The following SAMD5 variants were observed in gnomAD, a reference collection of about 807,000 sequenced individuals.
SAMD5 encodes sterile alpha motif domain containing 5, also known as sterile alpha motif domain-containing protein 5.
In SAMD5, 13 loss-of-function variants were observed where a neutral mutation model predicts 11.3. The observed-to-expected ratio is 1.15, with a 90% CI of 0.75 to 1.83. The LOEUF (loss-of-function observed/expected upper bound fraction) is 1.83. SAMD5 is among the 40% of genes most tolerant of loss of function. SAMD5 has a pLI of 0.00. For synonymous variants in SAMD5, 129 were observed against 111.3 expected (o/e 1.16, Z -1.00); for missense variants, 255 against 239.1 (o/e 1.07, Z -0.44).
At chr6:147,838,700 C>A in the SAMD5 span, among the ~76,000 whole-genome samples, 2 of 152,090 alleles carry the variant, frequency 1.3e-5, no homozygotes, top group Non-Finnish European at 2.9e-5. Context: ...TGACACATCC[C>A]AGGGACAGAT....
chr6:147,565,652 G>A lies in SAMD5; in HGVS notation c.*1196G>A. ...TTTTTGTATTTTTAGTAGAGATGGG[G>A]TTTTACCATGTTGGCCAGGCTGTTC... On this transcript the variant is annotated 3_prime_UTR_variant, in exon 2 of 2. Coordinates refer to ENST00000367474, the MANE Select transcript of SAMD5 (RefSeq NM_001030060.3). The A allele has an allele frequency of 1.8e-6, 1 of 550,308 alleles. No homozygotes were observed. Among genetic ancestry groups the A allele is most frequent in the Non-Finnish European group, 2.3e-6 (1 of 432,864 alleles). The allele number at this position is 550,308 out of a possible 1,614,324, so 34.1% of individuals were successfully genotyped here. A position where few individuals can be genotyped will look rare whatever the true frequency, so the allele number is the denominator to read the frequency against.
At chr6:147,933,379 C>A in the SAMD5 span, among the ~76,000 whole-genome samples, 4 of 152,192 alleles carry the variant, frequency 2.6e-5, no homozygotes, top group South Asian at 8.3e-4. Flanking sequence ...TGAAGAGAGA[C>A]ACCCAATTAA....
chr6:147,679,205 A>G (rs1790906407), intron 1 of SAMD5, among the ~76,000 whole-genome samples: 1 of 152,142 alleles, frequency 6.6e-6, no homozygotes, highest in Non-Finnish European at 1.5e-5. Flanking sequence ...TAGTGGGTCT[A>G]TGTATCACTT....
the SAMD5 span, among the ~76,000 whole-genome samples, chr6:147,925,211 A>C: frequency 6.6e-6 from 1 of 152,160 alleles, no homozygotes; most frequent in African/African-American, 2.4e-5. Context: ...CCTTATCAAA[A>C]GACATGAGAG....
chr6:147,811,201 A>G, the SAMD5 span, among the ~76,000 whole-genome samples: 1 of 152,204 alleles, frequency 6.6e-6, no homozygotes, highest in African/African-American at 2.4e-5. Context: ...TGGGTGTACC[A>G]GAGAGTTCAT....
chr6:147,945,702 G>T, the SAMD5 span, among the ~76,000 whole-genome samples: 1 of 152,146 alleles, frequency 6.6e-6, no homozygotes, highest in African/African-American at 2.4e-5. Flanking sequence ...AGTAAACAGT[G>T]GCAGGAACGT....
chr6:147,530,741 G>A (rs893251698), intron 1 of SAMD5, among the ~76,000 whole-genome samples: 3 of 152,218 alleles, frequency 2.0e-5, no homozygotes, highest in Non-Finnish European at 4.4e-5. Context: ...GCTTGGGGTG[G>A]AGTTGAGGAA....
At chr6:147,815,775 C>A in the SAMD5 span, among the ~76,000 whole-genome samples, 1 of 151,914 alleles carries the variant, frequency 6.6e-6, no homozygotes, top group African/African-American at 2.4e-5. Context: ...GTGGAATGAG[C>A]CCCCTCCCAG....
the SAMD5 span, among the ~76,000 whole-genome samples, chr6:147,800,981 G>A: frequency 2.6e-5 from 4 of 151,932 alleles, no homozygotes; most frequent in African/African-American, 7.2e-5. Flanking sequence ...TTTATTATTT[G>A]ATTTGAATAT....
the SAMD5 span, among the ~76,000 whole-genome samples, chr6:147,869,966 T>C: frequency 3.9e-5 from 6 of 152,124 alleles, no homozygotes; most frequent in Non-Finnish European, 8.8e-5. Context: ...TCCTCCCACC[T>C]CAGCCTCCCA....
intron 1 of SAMD5, among the ~76,000 whole-genome samples, chr6:147,651,451 C>T (rs1210079201): frequency 2.0e-5 from 3 of 152,164 alleles, no homozygotes; most frequent in African/African-American, 7.2e-5. Flanking sequence ...TCCTGACCCC[C>T]AGGGTGATGG....
chr6:147,864,536 A>G, the SAMD5 span, among the ~76,000 whole-genome samples: 1 of 152,348 alleles, frequency 6.6e-6, no homozygotes, highest in Non-Finnish European at 1.5e-5. Context: ...TTAGAATACC[A>G]TATTAGCTTC....
chr6:147,843,569 C>T, the SAMD5 span, among the ~76,000 whole-genome samples: 22 of 152,158 alleles, frequency 1.4e-4, no homozygotes, highest in Non-Finnish European at 2.5e-4. Context: ...AAGCTGGGGT[C>T]ATCACACCAT....
intron 1 of SAMD5, among the ~76,000 whole-genome samples, chr6:147,703,612 G>A (rs1791285928): frequency 6.6e-6 from 1 of 152,130 alleles, no homozygotes; most frequent in African/African-American, 2.4e-5. Context: ...GAAGTGGGTG[G>A]GCAAGATATT....
the SAMD5 span, among the ~76,000 whole-genome samples, chr6:147,869,005 T>A: frequency 3.9e-5 from 6 of 152,198 alleles, no homozygotes; most frequent in Non-Finnish European, 7.3e-5. Flanking sequence ...CATTTGTAAT[T>A]AGATCACAGA....
intron 1 of SAMD5, among the ~76,000 whole-genome samples, chr6:147,638,785 T>C (rs1394285248): frequency 6.6e-6 from 1 of 152,206 alleles, no homozygotes; most frequent in African/African-American, 2.4e-5. Flanking sequence ...TATTTTCTGT[T>C]TTACATGATG....
the SAMD5 span, among the ~76,000 whole-genome samples, chr6:147,844,728 T>C: frequency 4.0e-5 from 6 of 151,110 alleles, no homozygotes; most frequent in Admixed American, 6.6e-5. Context: ...CTAGATGATA[T>C]TATGTTAAGT....
chr6:147,640,283 A>T (rs931513092), intron 1 of SAMD5, among the ~76,000 whole-genome samples: 3 of 151,178 alleles, frequency 2.0e-5, no homozygotes, highest in Non-Finnish European at 4.4e-5. Context: ...CTGAGAATCC[A>T]TACCACTGCA....
chr6:147,843,581 G>A, the SAMD5 span, among the ~76,000 whole-genome samples: 3 of 151,870 alleles, frequency 2.0e-5, no homozygotes, highest in Admixed American at 2.0e-4. Flanking sequence ...TCACACCATG[G>A]GATTTCTAAA....
Sources: gnomAD v4.1 joint callset for allele counts (sites outside exome capture counted in the v4.1 genomes callset) on GRCh38, gnomAD v4.1.1 for gene constraint, MANE v1.5 for transcripts, NCBI Gene and HGNC (gene_info 2026-07-23, HGNC 2026-07-21) for gene names.